The following DNAI3 variants were observed in gnomAD, a reference collection of about 807,000 sequenced individuals.
The protein encoded by DNAI3 is dynein axonemal intermediate chain 3, also known as WD repeat domain 63.
In DNAI3, 83 loss-of-function variants were observed where a neutral mutation model predicts 115.5. The observed-to-expected ratio is 0.72, with a 90% CI of 0.60 to 0.86. The LOEUF (loss-of-function observed/expected upper bound fraction) is 0.86, where lower values mean the gene tolerates loss of function less well. Among genes scored for constraint, DNAI3 ranks in the 40% least tolerant of loss-of-function variants. The probability of loss-of-function intolerance (pLI) is 0.00; values close to 1 mark genes in which losing one functional copy is unlikely to be tolerated. For missense variants in DNAI3, 1,004 were observed against 1,075.8 expected (o/e 0.93, Z 0.93); for synonymous variants, 320 against 347.0 (o/e 0.92, Z 0.86).
At chr1:85,063,213 G>T (rs931127887) in intron 1 of DNAI3, among the ~76,000 whole-genome samples, 1 of 152,152 alleles carries the variant, frequency 6.6e-6, no homozygotes, top group Non-Finnish European at 1.5e-5. Flanking sequence ...GATTGTTTCA[G>T]CCTGAGTGAG....
At chr1:85,131,300 C>A (rs965463853) in intron 22 of DNAI3, among the ~76,000 whole-genome samples, 12 of 151,724 alleles carry the variant, frequency 7.9e-5, no homozygotes, top group African/African-American at 2.4e-4. Context: ...CAAAATAAGC[C>A]GGGCATGGTG....
intron 13 of DNAI3, chr1:85,099,165 C>A: frequency 1.2e-6 from 1 of 816,802 alleles, no homozygotes; most frequent in Non-Finnish European, 1.5e-6. Context: ...TATGGTTGTA[C>A]ACTTACTTGA....
intron 16 of DNAI3, among the ~76,000 whole-genome samples, chr1:85,117,041 T>C (rs181348226): frequency 1.3e-3 from 202 of 152,302 alleles, no homozygotes; most frequent in Non-Finnish European, 2.4e-3. Flanking sequence ...TTTTGTTTCC[T>C]CTTGGGTAAT....
intron 10 of DNAI3, 65 bp from the exon 11 acceptor site, chr1:85,095,866 T>C: frequency 6.8e-7 from 1 of 1,466,372 alleles, no homozygotes; most frequent in Non-Finnish European, 9.5e-7. Context: ...GTCTTAATAT[T>C]ATTTTCTCGC....
At position 85,129,970 on chromosome 1, in the gene DNAI3, T is replaced by A; in HGVS notation, c.2410-20T>A. 6.2e-7 allele frequency: 1 copy of A among 1,605,526 alleles called. No homozygotes were observed. The highest frequency in any genetic ancestry group is 8.5e-7 in the Non-Finnish European group (1 of 1,176,460). ...GGGCTTCCTGCCTGTCACCCTCTCA[T>A]GGACTTCTGTTTCTAACAGATGGCA... On this transcript the variant is annotated intron_variant, in intron 21 of 22. Transcript: ENST00000294664.
At chr1:85,078,038 C>T (rs1359456372) in intron 3 of DNAI3, among the ~76,000 whole-genome samples, 1 of 150,772 alleles carries the variant, frequency 6.6e-6, no homozygotes, top group Non-Finnish European at 1.5e-5. Flanking sequence ...CTTGAGTCTG[C>T]CTTTGGTTCC....
At chr1:85,089,115 TG>T (rs1654887402) in intron 7 of DNAI3, among the ~76,000 whole-genome samples, 1 of 152,216 alleles carries the variant, frequency 6.6e-6, no homozygotes, top group African/African-American at 2.4e-5. Flanking sequence ...CATAATATTT[TG>T]TTGATCATTT....
intron 17 of DNAI3, 70 bp from the exon 18 acceptor site, chr1:85,121,681 G>C: frequency 3.6e-6 from 5 of 1,399,140 alleles, no homozygotes; most frequent in Non-Finnish European, 5.0e-6. Context: ...GTCAATCTTA[G>C]CACATGAGTG....
chr1:85,095,953 A>G lies in DNAI3; in HGVS notation c.1196A>G (p.Asp399Gly), dbSNP rs759126917. ...HPQLMLESPD[D>G]IFCFKFCPSD... is the part of the protein sequence containing the mutation. ...TAGTTAATGCTGGAGAGCCCAGATG[A>G]CATCTTCTGCTTCAAGTTCTGTCCG... The change falls in exon 11 of 23, where the codon GAC (aspartate) becomes GGC (glycine). Residue 399 changes from aspartate to glycine, a missense_variant. Asp to Gly is a moderately conservative substitution (Grantham distance 94). This residue lies in a region of DNAI3 where 550 missense variants were observed against 568.1 expected (regional missense o/e 0.97). Transcript: ENST00000294664. 1 of 1,613,980 alleles carries G rather than the reference A, an allele frequency of 6.2e-7. No individual in the cohort carries two copies. Among genetic ancestry groups the G allele is most frequent in the Non-Finnish European group, 8.5e-7 (1 of 1,179,886 alleles).
At chr1:85,126,760 C>T (rs189014481) in intron 20 of DNAI3, 45 bp downstream of exon 20, 23 of 1,604,422 alleles carry the variant, frequency 1.4e-5, no homozygotes, top group Admixed American at 8.4e-5. Flanking sequence ...TTGGGTAACT[C>T]GGGAACATCT....
At chr1:85,078,309 TA>T (rs1654526212) in intron 3 of DNAI3, among the ~76,000 whole-genome samples, 1 of 152,226 alleles carries the variant, frequency 6.6e-6, no homozygotes. Flanking sequence ...ACAAATATAG[TA>T]ACCACCTCTG....
chr1:85,113,657 G>T (rs192777041), intron 16 of DNAI3, among the ~76,000 whole-genome samples: 1 of 151,078 alleles, frequency 6.6e-6, no homozygotes, highest in Admixed American at 6.6e-5. Flanking sequence ...TTTTTTCAAA[G>T]TAGTTTTTGA....
Position 85,071,962 on chromosome 1 carries a change from A to G in DNAI3, c.21A>G (p.Lys7=), listed in dbSNP as rs1654289809. Residue 7 remains lysine (K), a synonymous_variant, in exon 2 of 23, where the codon AAA becomes AAG. Transcript: ENST00000294664. The part of the protein sequence containing the change: MAPKQK[K]KTSRGKKRLK... ...GAACCATGGCTCCAAAACAAAAGAA[A>G]AAGACATCACGTGGCAAAAAAAGAC... The G allele has an allele frequency of 6.2e-7, 1 of 1,612,466 alleles. No individual in the cohort carries two copies. The highest frequency in any genetic ancestry group is 8.5e-7 in the Non-Finnish European group (1 of 1,179,716).
At chr1:85,131,458 A>AT (rs926331004) in intron 22 of DNAI3, among the ~76,000 whole-genome samples, 8 of 148,658 alleles carry the variant, frequency 5.4e-5, no homozygotes, top group African/African-American at 1.7e-4. Flanking sequence ...AAAAAAAAAA[A>AT]AAAAATAAAG....
chr1:85,097,858 T>C (rs1375622721), intron 12 of DNAI3, among the ~76,000 whole-genome samples: 2 of 152,088 alleles, frequency 1.3e-5, no homozygotes, highest in Non-Finnish European at 2.9e-5. Context: ...ACACAATGAA[T>C]CAAGTTGCAC....
chr1:85,078,802 C>A (rs1654540923), intron 3 of DNAI3, among the ~76,000 whole-genome samples: 1 of 152,180 alleles, frequency 6.6e-6, no homozygotes, highest in Non-Finnish European at 1.5e-5. Context: ...TGTTTGCCAA[C>A]TCGAAGCAGA....
At chr1:85,086,538 TCTCTGTGTGCCAG>T (rs1654805476) in intron 7 of DNAI3, among the ~76,000 whole-genome samples, 1 of 152,128 alleles carries the variant, frequency 6.6e-6, no homozygotes, top group African/African-American at 2.4e-5. Flanking sequence ...CTAAACAAGC[TCTCTGTGTGCCAG>T]CCCTATGAGT....
chr1:85,064,990 G>C (rs544339259), intron 1 of DNAI3, among the ~76,000 whole-genome samples: 1 of 152,196 alleles, frequency 6.6e-6, no homozygotes, highest in Non-Finnish European at 1.5e-5. Flanking sequence ...CTGAGATTAC[G>C]CCATTGCACT....
In DNAI3 at chr1:85,084,705, T is replaced by G. The variant is rs1226425219; in HGVS notation, c.540+10T>G. The G allele has an allele frequency of 1.4e-5, 21 of 1,477,398 alleles. No individual in the cohort carries two copies. Among genetic ancestry groups the G allele is most frequent in the Non-Finnish European group, 1.9e-5 (21 of 1,111,504 alleles). The allele number at this position is 1,477,398 out of a possible 1,614,324, so 91.5% of individuals were successfully genotyped here. ...GGAATCTACAAAGCAGGTTAGAGGG[T>G]TATATATGATCTGTAATCATTACCT... On this transcript the variant is annotated intron_variant, in intron 6 of 22. Coordinates refer to ENST00000294664, the MANE Select transcript of DNAI3 (RefSeq NM_145172.5).
Sources: allele counts gnomAD v4.1 joint callset (sites outside exome capture counted in the v4.1 genomes callset), GRCh38; gene constraint gnomAD v4.1.1; regional missense constraint gnomAD v4.1.1; transcripts MANE v1.5; gene names NCBI Gene and HGNC (gene_info 2026-07-23, HGNC 2026-07-21).